Variants in CUX2 observed in about 807,000 individuals in gnomAD.
CUX2 encodes the protein cut like homeobox 2, also known as homeobox protein cut-like 2.
A neutral mutation model predicts 144.8 loss-of-function variants in CUX2; 40 were observed. The observed-to-expected ratio is 0.28, with a 90% confidence interval of 0.21 to 0.36. The LOEUF (loss-of-function observed/expected upper bound fraction) is 0.36. Ranked by LOEUF, CUX2 falls within the 10% of genes least tolerant of loss-of-function variation. The probability of loss-of-function intolerance (pLI) is 1.00; values close to 1 mark genes in which losing one functional copy is unlikely to be tolerated. For missense variants in CUX2, 1,615 were observed against 1,994.0 expected (o/e 0.81, Z 3.62); for synonymous variants, 827 against 875.6 (o/e 0.94, Z 0.98).
At chr12:111,342,153 G>A in intron 21 of CUX2, 100 bp downstream of exon 21, 1 of 1,369,094 alleles carries the variant, frequency 7.3e-7, no homozygotes, top group Non-Finnish European at 1.0e-6. Flanking sequence ...GCCTCTGGGA[G>A]ATGGAAGACC....
chr12:111,314,516 C>T (rs1190459888), intron 16 of CUX2, among the ~76,000 whole-genome samples: 1 of 152,006 alleles, frequency 6.6e-6, no homozygotes, highest in African/African-American at 2.4e-5. Flanking sequence ...TGGTAGGTGC[C>T]TGTAATCCCA....
At chr12:111,184,137 T>C (rs890118498) in intron 1 of CUX2, among the ~76,000 whole-genome samples, 2 of 152,208 alleles carry the variant, frequency 1.3e-5, no homozygotes, top group African/African-American at 2.4e-5. Context: ...TGGCAACATC[T>C]ATGACATTTA....
chr12:111,083,419 G>A (rs979735014), intron 1 of CUX2, among the ~76,000 whole-genome samples: 1 of 152,174 alleles, frequency 6.6e-6, no homozygotes, highest in South Asian at 2.1e-4. Flanking sequence ...TGGGTCTATG[G>A]GACCAAGGAC....
intron 3 of CUX2, among the ~76,000 whole-genome samples, chr12:111,242,267 T>C (rs1883056153): frequency 6.6e-6 from 1 of 152,244 alleles, no homozygotes; most frequent in Non-Finnish European, 1.5e-5. Context: ...TGAGTGACTT[T>C]CCTAAGTTGC....
At chr12:111,122,219 TC>T (rs1436941640) in intron 1 of CUX2, among the ~76,000 whole-genome samples, 1 of 152,130 alleles carries the variant, frequency 6.6e-6, no homozygotes, top group Non-Finnish European at 1.5e-5. Context: ...CTACATTCTC[TC>T]CCCCACCCGT....
chr12:111,192,882 C>T (rs528340685), intron 1 of CUX2, among the ~76,000 whole-genome samples: 5 of 152,326 alleles, frequency 3.3e-5, no homozygotes, highest in East Asian at 3.9e-4. Context: ...TGGCTAATAG[C>T]GTGTGTGTTT....
chr12:111,305,969 G>A (rs1477580376), intron 10 of CUX2, among the ~76,000 whole-genome samples: 1 of 152,162 alleles, frequency 6.6e-6, no homozygotes, highest in African/African-American at 2.4e-5. Context: ...GTCAGCCTGT[G>A]TCTGTGTCCC....
At chr12:111,257,565 TTCC>T (rs369053770) in intron 3 of CUX2, among the ~76,000 whole-genome samples, 52 of 100,186 alleles carry the variant, frequency 5.2e-4, no homozygotes, top group African/African-American at 2.0e-3. Context: ...CCCTTCACTC[TTCC>T]TCCTCCTCCT....
intron 1 of CUX2, among the ~76,000 whole-genome samples, chr12:111,081,012 A>G (rs1204089876): frequency 6.6e-6 from 1 of 152,180 alleles, no homozygotes; most frequent in Non-Finnish European, 1.5e-5. Context: ...ATTATTCAAT[A>G]CATAGGAGCT....
In CUX2 at chr12:111,034,175, A is replaced by G; in HGVS notation, c.-3A>G. On this transcript the variant is annotated 5_prime_UTR_variant, in exon 1 of 22. Coordinates refer to ENST00000261726, the MANE Select transcript of CUX2 (RefSeq NM_015267.4). The surrounding 1 kb of genome is among the most constrained non-coding windows in gnomAD (Gnocchi z 4.2). ...GTGTGTGCGCGTCTCGATAGCCCCC[A>G]AGATGGCCGCCAATGTGGGATCGAT... is the stretch of plus-strand genomic sequence containing the variant. 1 of 1,397,830 alleles carries G rather than the reference A, an allele frequency of 7.2e-7. No homozygotes were observed. Among genetic ancestry groups the G allele is most frequent in the Non-Finnish European group, 9.6e-7 (1 of 1,046,258 alleles). 86.6% of individuals were successfully genotyped at this position (1,397,830 alleles called of 1,614,324 possible).
At chr12:111,078,987 C>G (rs1871703793) in intron 1 of CUX2, among the ~76,000 whole-genome samples, 1 of 152,206 alleles carries the variant, frequency 6.6e-6, no homozygotes, top group South Asian at 2.1e-4. Flanking sequence ...CTATCCTGGC[C>G]TGGTCCCATG....
intron 1 of CUX2, among the ~76,000 whole-genome samples, chr12:111,194,565 G>C (rs1480926532): frequency 6.6e-6 from 1 of 152,202 alleles, no homozygotes; most frequent in East Asian, 1.9e-4. Context: ...GCACCGATCG[G>C]CCAGAGCTGA....
intron 1 of CUX2, among the ~76,000 whole-genome samples, chr12:111,048,061 G>A (rs1193925363): frequency 6.6e-6 from 1 of 152,210 alleles, no homozygotes; most frequent in African/African-American, 2.4e-5. Flanking sequence ...GGGGAGAAGA[G>A]GGGAGGGAGA....
intron 1 of CUX2, among the ~76,000 whole-genome samples, chr12:111,094,415 C>G (rs1566214835): frequency 2.0e-5 from 3 of 152,250 alleles, no homozygotes; most frequent in Admixed American, 6.5e-5. Flanking sequence ...GTAACTTCTG[C>G]TGTTAACTGA....
rs187693295 is a variant in CUX2 at position 111,320,619 on chromosome 12, C to T, written c.2610C>T (p.Ala870=). 1.7e-5 allele frequency: 27 copies of T among 1,582,762 alleles called. No individual in the cohort carries two copies. The East Asian group carries it at 4.6e-4, about 27-fold the overall frequency. Residue 870 remains alanine, a synonymous_variant, in exon 17 of 22, where the codon GCC becomes GCT. Transcript: ENST00000261726. This position sits in a 1 kb window ranked among gnomAD's most constrained non-coding sequence, Gnocchi z 8.1. ...EAGARLPYYP[A]YVPRTLKPTV... is the part of the protein sequence containing the mutation. ...GCGCGCGGCTGCCCTACTACCCGGC[C>T]TACGTGCCGCGCACCCTGAAGCCCA...
At chr12:111,204,612 G>A (rs1316145745) in intron 1 of CUX2, among the ~76,000 whole-genome samples, 1 of 152,218 alleles carries the variant, frequency 6.6e-6, no homozygotes, top group Non-Finnish European at 1.5e-5. Context: ...TCCTCGCCGT[G>A]TGATGTGGGA....
intron 1 of CUX2, chr12:111,100,181 C>CTG (rs71881537): frequency 0.037 from 14,154 of 386,782 alleles, 420 homozygotes; most frequent in African/African-American, 0.14. Flanking sequence ...GAGCCTGTGA[C>CTG]TGTGTGTGTG....
At chr12:111,275,842 T>C (rs1307902222) in intron 4 of CUX2, among the ~76,000 whole-genome samples, 1 of 152,116 alleles carries the variant, frequency 6.6e-6, no homozygotes, top group Non-Finnish European at 1.5e-5. Context: ...AGCTCTCCCC[T>C]TTGAACCTCA....
At chr12:111,045,610 T>C (rs977614499) in intron 1 of CUX2, among the ~76,000 whole-genome samples, 1 of 152,232 alleles carries the variant, frequency 6.6e-6, no homozygotes, top group Non-Finnish European at 1.5e-5. Flanking sequence ...ATTGTTATTA[T>C]TATCTTTCTT....
Sources: allele counts gnomAD v4.1 joint callset (sites outside exome capture counted in the v4.1 genomes callset), GRCh38; gene constraint gnomAD v4.1.1; non-coding constraint Gnocchi (gnomAD v3.1); transcripts MANE v1.5; gene names NCBI Gene and HGNC (gene_info 2026-07-23, HGNC 2026-07-21).